The following CCDC187 variants were observed in gnomAD, a reference collection of about 807,000 sequenced individuals.
CCDC187 encodes the protein coiled-coil domain containing 187, also known as coiled-coil domain-containing protein 187.
CCDC187 carries 32 observed loss-of-function variants against 38.0 expected under a neutral mutation model. The observed-to-expected ratio is 0.84, with a 90% CI of 0.64 to 1.13. The LOEUF (loss-of-function observed/expected upper bound fraction) is 1.13, where lower values mean the gene tolerates loss of function less well. Among genes scored for constraint, CCDC187 ranks in the 50% most tolerant of loss-of-function variants. The pLI is 0.00. For missense variants in CCDC187, 707 were observed against 786.8 expected (o/e 0.90, Z 1.21); for synonymous variants, 333 against 347.9 (o/e 0.96, Z 0.48).
chr9:136,281,913 A>G (rs1024560792), intron 9 of CCDC187, among the ~76,000 whole-genome samples: 9 of 152,118 alleles, frequency 5.9e-5, no homozygotes, highest in Non-Finnish European at 1.2e-4. Flanking sequence ...GGGCCTGAGC[A>G]TGCGTCCCAG....
chr9:136,289,468 A>C lies in CCDC187; in HGVS notation c.2222+491T>G, dbSNP rs1831258466. Among the ~76,000 whole-genome samples, 10 of 145,018 alleles carry C rather than the reference A, an allele frequency of 6.9e-5. No individual in the cohort carries two copies. The South Asian group carries it at 2.2e-3, about 32-fold the overall frequency. On this transcript the variant is annotated intron_variant, in intron 7 of 25. Transcript: ENST00000638797. ...TGGGAGGTGGAGGTTGCGGTGAGCCAAGATCGTGCCATTGCGCTCCAGCCT... is the reference window on the plus strand; with the variant it reads ...TGGGAGGTGGAGGTTGCGGTGAGCCCAGATCGTGCCATTGCGCTCCAGCCT...
At chr9:136,270,522 A>G (rs1554762257) in intron 14 of CCDC187, among the ~76,000 whole-genome samples, 1 of 152,210 alleles carries the variant, frequency 6.6e-6, no homozygotes, top group Non-Finnish European at 1.5e-5. Flanking sequence ...TTCTTCTGCT[A>G]TCTACTACGA....
Position 136,257,133 on chromosome 9 carries a change from G to C in CCDC187, c.4367-292C>G, listed in dbSNP as rs1433218737. Among the ~76,000 whole-genome samples the C allele has an allele frequency of 6.6e-6, 1 of 152,198 alleles. No individual in the cohort carries two copies. Among genetic ancestry groups the C allele is most frequent in the African/African-American group, 2.4e-5 (1 of 41,446 alleles). On this transcript the variant is annotated intron_variant, in intron 22 of 25. Coordinates refer to ENST00000638797, the MANE Select transcript of CCDC187 (RefSeq NM_001378188.1). This position sits in a 1 kb window ranked among gnomAD's most constrained non-coding sequence, Gnocchi z 4.5. The stretch of plus-strand genomic sequence containing the variant: ...CTCACGCCTATAATCCCAGCACTCT[G>C]GGAGGCCGAGGCGGGCGGATCACAA...
In CCDC187 at chr9:136,253,612, C is replaced by A; in HGVS notation, c.6216G>T (p.Gly2072=). ...LPEGLFPGPQ[G]SAGTQ Reference sequence around the variant, plus strand: ...GCCCCAACTACTGGGTTCCCGCCGACCCCTGGGGCCCAGGAAACAGTCCCT... The same window carrying A: ...GCCCCAACTACTGGGTTCCCGCCGAACCCTGGGGCCCAGGAAACAGTCCCT... The change falls in exon 26 of 26, where the codon GGG becomes GGT. Residue 2072 remains glycine (G), a synonymous_variant. Coordinates refer to ENST00000638797, the MANE Select transcript of CCDC187 (RefSeq NM_001378188.1). 1.0e-6 allele frequency: 1 copy of A among 985,596 alleles called. No homozygotes were observed. Among genetic ancestry groups the A allele is most frequent in the Non-Finnish European group, 1.2e-6 (1 of 830,040 alleles). 61.1% of individuals were successfully genotyped at this position (985,596 alleles called of 1,614,324 possible).
intron 4 of CCDC187, among the ~76,000 whole-genome samples, chr9:136,293,240 C>G (rs1831393020): frequency 2.0e-5 from 3 of 146,666 alleles, no homozygotes; most frequent in Admixed American, 2.0e-4. Context: ...CACACGCTCA[C>G]ACTCACATGC....
Position 136,268,998 on chromosome 9 carries a change from C to CA in CCDC187, c.3443-874dup, listed in dbSNP as rs144307335. Among the ~76,000 whole-genome samples the CA allele has an allele frequency of 4.1e-4, 62 of 152,230 alleles. No individual in the cohort carries two copies. The East Asian group carries it at 0.012, about 28-fold the overall frequency. ...GCTGGAGTTTGTGGGGGCAGAGTGT[C>CA]AGAGAGGAGAGAGTCGCACAGAGAG... is the stretch of plus-strand genomic sequence containing the variant. On this transcript the variant is annotated intron_variant, in intron 14 of 25. Transcript: ENST00000638797.
chr9:136,293,330 TAC>T lies in CCDC187; in HGVS notation c.833-1037_833-1036del, dbSNP rs1160180265. On this transcript the variant is annotated intron_variant, in intron 4 of 25. Transcript: ENST00000638797. ...GTTCACACACTCACACTCACATGCT[TAC>T]ACACTCACACTCACATGCTCACACA... is the stretch of plus-strand genomic sequence containing the variant. Among the ~76,000 whole-genome samples, 16 of 82,548 alleles carry T rather than the reference TAC, an allele frequency of 1.9e-4. 2 individuals carry two copies. The highest frequency in any genetic ancestry group is 3.2e-4 in the Non-Finnish European group (13 of 40,104). The allele number at this position is 82,548 out of a possible 152,430, so 54.2% of individuals were successfully genotyped here. A position where few individuals can be genotyped will look rare whatever the true frequency, so the allele number is the denominator to read the frequency against.
intron 17 of CCDC187, 104 bp from the exon 18 acceptor site, chr9:136,263,902 C>T: frequency 5.0e-6 from 4 of 806,172 alleles, no homozygotes; most frequent in Non-Finnish European, 6.0e-6. Context: ...GGCCCTCACA[C>T]TGGGAGGCCT....
At chr9:136,286,820 G>A (rs1036772349) in intron 7 of CCDC187, 125 bp from the exon 8 acceptor site, 11 of 397,458 alleles carry the variant, frequency 2.8e-5, no homozygotes, top group African/African-American at 1.8e-4. Context: ...GTGTCTGTCC[G>A]CAGGGACCAG....
intron 10 of CCDC187, among the ~76,000 whole-genome samples, chr9:136,277,070 G>T (rs1830945787): frequency 1.3e-5 from 2 of 152,014 alleles, no homozygotes; most frequent in African/African-American, 4.8e-5. Flanking sequence ...GAGTCTGTGG[G>T]GAGGGCGGAG....
At chr9:136,299,332 A>C (rs1051332052) in intron 3 of CCDC187, among the ~76,000 whole-genome samples, 1 of 152,232 alleles carries the variant, frequency 6.6e-6, no homozygotes, top group South Asian at 2.1e-4. Context: ...CTGCCCAACC[A>C]GACCTCACGG....
In CCDC187 at chr9:136,290,876, C is replaced by T. The variant is rs1406988772; in HGVS notation, c.1737G>A (p.Gln579=). 2.5e-6 allele frequency: 1 copy of T among 398,480 alleles called. No homozygotes were observed. Among genetic ancestry groups the T allele is most frequent in the East Asian group, 3.6e-5 (1 of 28,088 alleles). 24.7% of individuals were successfully genotyped at this position (398,480 alleles called of 1,614,324 possible). A position where few individuals can be genotyped will look rare whatever the true frequency, so the allele number is the denominator to read the frequency against. Residue 579 remains glutamine (Q), a synonymous_variant, in exon 6 of 26, where the codon CAG becomes CAA. Coordinates refer to ENST00000638797, the MANE Select transcript of CCDC187 (RefSeq NM_001378188.1). ...TGCCCTTGCCCTGGGGGCCGGCCCTCTGCACGCCGGAGCTGCTCCAGGGCC... is the reference window on the plus strand; with the variant it reads ...TGCCCTTGCCCTGGGGGCCGGCCCTTTGCACGCCGGAGCTGCTCCAGGGCC... ...AQRPWSSSGV[Q]RAGPQGKGRG...
In CCDC187 at chr9:136,260,271, G is replaced by C; in HGVS notation, c.4065-7C>G. 2.0e-6 allele frequency: 2 copies of C among 985,056 alleles called. No individual in the cohort carries two copies. The highest frequency in any genetic ancestry group is 2.4e-6 in the Non-Finnish European group (2 of 829,870). The allele number at this position is 985,056 out of a possible 1,614,324, so 61.0% of individuals were successfully genotyped here. ...CTGCTGCTCAGTGGGAGGGCTGCAC[G>C]GCCATGCAGAGTGGAGGTGACCGCC... is the stretch of plus-strand genomic sequence containing the variant. On this transcript the variant is annotated splice_region_variant and splice_polypyrimidine_tract_variant and intron_variant, in intron 19 of 25. Transcript: ENST00000638797.
intron 24 of CCDC187, 35 bp downstream of exon 24, chr9:136,256,176 G>C: frequency 1.0e-6 from 1 of 972,832 alleles, no homozygotes; most frequent in African/African-American, 1.8e-5. Context: ...CGTGCCTCAC[G>C]CTCCACCCCT....
At chr9:136,273,463 A>G (rs1344494597) in intron 14 of CCDC187, among the ~76,000 whole-genome samples, 3 of 152,224 alleles carry the variant, frequency 2.0e-5, no homozygotes, top group Non-Finnish European at 4.4e-5. Flanking sequence ...GTTCATCAAG[A>G]GCACATAATG....
intron 10 of CCDC187, among the ~76,000 whole-genome samples, chr9:136,278,602 C>T (rs958111931): frequency 0.11 from 16,169 of 152,210 alleles, 1,215 homozygotes; most frequent in Admixed American, 0.19. Context: ...CACATGGCAG[C>T]TGCGGTCACT....
chr9:136,301,743 T>C (rs958560268), intron 2 of CCDC187, among the ~76,000 whole-genome samples: 10 of 151,824 alleles, frequency 6.6e-5, no homozygotes, highest in African/African-American at 2.2e-4. Context: ...CCCGCCACCA[T>C]GCCCAGCTAG....
chr9:136,297,055 G>A (rs1467923534), intron 4 of CCDC187, among the ~76,000 whole-genome samples: 7 of 152,152 alleles, frequency 4.6e-5, no homozygotes, highest in East Asian at 1.9e-4. Context: ...AAGCAAGCAC[G>A]GCTCCCTCGG....
At position 136,250,540 on chromosome 9, in the gene CCDC187, T is replaced by C; in HGVS notation, c.*3054A>G. ...CTCATAAATCCAAAAGGGTCAGCAA[T>C]AAATGGAAAAAAATAAAAAATCACA... On this transcript the variant is annotated 3_prime_UTR_variant, in exon 26 of 26. Transcript: ENST00000638797. The C allele has an allele frequency of 2.9e-6, 1 of 348,032 alleles. No individual in the cohort carries two copies. The highest frequency in any genetic ancestry group is 5.7e-6 in the Non-Finnish European group (1 of 175,308). The allele number at this position is 348,032 out of a possible 1,614,324, so 21.6% of individuals were successfully genotyped here.
Sources: gnomAD v4.1 joint callset for allele counts (sites outside exome capture counted in the v4.1 genomes callset) on GRCh38, gnomAD v4.1.1 for gene constraint, Gnocchi (gnomAD v3.1) non-coding constraint, MANE v1.5 for transcripts, NCBI Gene and HGNC (gene_info 2026-07-23, HGNC 2026-07-21) for gene names.